TCF4: variants seen among roughly 807,000 people sequenced by gnomAD.
TCF4 encodes transcription factor 4, also known as SL3-3 enhancer factor 2.
Under a neutral mutation model 82.1 loss-of-function variants are expected in TCF4, and 3 were observed. The observed-to-expected ratio is 0.04, with a 90% CI of 0.02 to 0.09. TCF4 has a LOEUF of 0.09. Ranked by LOEUF, TCF4 falls within the 10% of genes least tolerant of loss-of-function variation. TCF4 has a pLI of 1.00. For synonymous variants in TCF4, 276 were observed against 309.6 expected, an observed-to-expected ratio of 0.89 and a Z score of 1.14; for missense variants, 518 against 852.7, an observed-to-expected ratio of 0.61 and a Z score of 4.89.
At chr18:55,374,728 C>T (rs929277637) in intron 6 of TCF4, among the ~76,000 whole-genome samples, 2 of 151,814 alleles carry the variant, frequency 1.3e-5, no homozygotes, top group East Asian at 1.9e-4. Context: ...GGCGAAACTC[C>T]GCCTCCACAA....
At chr18:55,358,057 C>T (rs1257174976) in intron 6 of TCF4, among the ~76,000 whole-genome samples, 3 of 152,180 alleles carry the variant, frequency 2.0e-5, no homozygotes, top group Admixed American at 6.5e-5. Context: ...TCTTTCCCTC[C>T]CAAGATTCTT....
rs190907799 is a variant in TCF4 at position 55,290,794 on chromosome 18, G to A, written c.550-11138C>T. Among the ~76,000 whole-genome samples the A allele has an allele frequency of 1.9e-3, 288 of 152,136 alleles. 1 individual carries two copies. Among genetic ancestry groups the A allele is most frequent in the Admixed American group, 3.9e-3 (60 of 15,282 alleles). ...CAAGCAGAAAGTCACACTTTGAAGA[G>A]TCGACATTCAAGCAAGAATGAAAAG... On this transcript the variant is annotated intron_variant, in intron 8 of 19. Coordinates refer to ENST00000354452, the MANE Select transcript of TCF4 (RefSeq NM_001083962.2).
intron 3 of TCF4, among the ~76,000 whole-genome samples, chr18:55,471,820 AT>A (rs1302901174): frequency 6.6e-6 from 1 of 151,846 alleles, no homozygotes; most frequent in Non-Finnish European, 1.5e-5. Context: ...TGGGCTTTCC[AT>A]TTTCAGATGA....
chr18:55,375,870 G>A (rs1482272143), intron 6 of TCF4, among the ~76,000 whole-genome samples: 1 of 152,030 alleles, frequency 6.6e-6, no homozygotes, highest in Non-Finnish European at 1.5e-5. Flanking sequence ...GAGTAGGAGA[G>A]AGGGAAATTC....
At chr18:55,438,068 G>A (rs1332987298) in intron 5 of TCF4, among the ~76,000 whole-genome samples, 2 of 152,092 alleles carry the variant, frequency 1.3e-5, no homozygotes, top group African/African-American at 2.4e-5. Context: ...GGGTGTGGTG[G>A]TGCATGCCTG....
intron 3 of TCF4, among the ~76,000 whole-genome samples, chr18:55,548,732 T>A (rs1180345473): frequency 6.6e-6 from 1 of 152,228 alleles, no homozygotes. Flanking sequence ...GTTATTGTAC[T>A]AAATAGCCAC....
intron 5 of TCF4, among the ~76,000 whole-genome samples, chr18:55,413,405 A>T (rs935517814): frequency 5.3e-5 from 8 of 152,210 alleles, no homozygotes; most frequent in Admixed American, 5.2e-4. Flanking sequence ...GAGTAGGAAG[A>T]TTGCTAACCA....
intron 1 of TCF4, 142 bp downstream of exon 1, chr18:55,587,896 G>A (rs866779774): frequency 1.5e-6 from 1 of 687,062 alleles, no homozygotes; most frequent in Non-Finnish European, 1.8e-6. Context: ...GGCGGGAGGG[G>A]AAGGGGTGTC....
intron 17 of TCF4, chr18:55,231,607 T>G (rs1336836582): frequency 6.6e-6 from 1 of 152,206 alleles, no homozygotes; most frequent in African/African-American, 2.4e-5. Context: ...ATCCCCTCCT[T>G]GGGATTTCTT....
intron 2 of TCF4, 173 bp downstream of exon 2, chr18:55,586,872 C>A: frequency 7.3e-6 from 4 of 548,206 alleles, no homozygotes; most frequent in Non-Finnish European, 9.7e-6. Flanking sequence ...TCTTCCATCA[C>A]ACCACAAAAT....
chr18:55,519,463 T>C (rs1345893111), intron 3 of TCF4, among the ~76,000 whole-genome samples: 1 of 151,402 alleles, frequency 6.6e-6, no homozygotes, highest in East Asian at 1.9e-4. Context: ...AAAAGATGTG[T>C]TCTAATGTTG....
At chr18:55,243,738 G>A (rs2145064957) in intron 15 of TCF4, among the ~76,000 whole-genome samples, 1 of 152,238 alleles carries the variant, frequency 6.6e-6, no homozygotes, top group East Asian at 1.9e-4. Context: ...TAAGTTGTGA[G>A]GGTACGTGTG....
chr18:55,580,507 A>T (rs1341236685), intron 3 of TCF4, among the ~76,000 whole-genome samples: 1 of 152,038 alleles, frequency 6.6e-6, no homozygotes, highest in Non-Finnish European at 1.5e-5. Flanking sequence ...TTTCTTAGTA[A>T]AACTAATAAA....
chr18:55,355,139 T>C (rs1445495910), intron 6 of TCF4, among the ~76,000 whole-genome samples: 2 of 152,196 alleles, frequency 1.3e-5, no homozygotes, highest in African/African-American at 2.4e-5. Flanking sequence ...GAACTGACTC[T>C]ATAAAGCCAG....
intron 6 of TCF4, among the ~76,000 whole-genome samples, chr18:55,354,001 T>A (rs1036756103): frequency 6.6e-6 from 1 of 152,190 alleles, no homozygotes; most frequent in Admixed American, 6.5e-5. Context: ...GTCCCAGTAG[T>A]AGGCTGCCCG....
At chr18:55,461,149 T>C (rs2095861466) in intron 4 of TCF4, 34 bp from the exon 5 acceptor site, 1 of 1,550,450 alleles carries the variant, frequency 6.4e-7, no homozygotes, top group Non-Finnish European at 8.8e-7. Context: ...GTTATTATTT[T>C]ATATTAATAA....
chr18:55,596,907 T>A (rs2097691497), intron 2 of TCF4, among the ~76,000 whole-genome samples: 1 of 152,102 alleles, frequency 6.6e-6, no homozygotes, highest in Non-Finnish European at 1.5e-5. Context: ...AAATCTCATG[T>A]CAAATTGTAA....
At chr18:55,443,528 G>A (rs1279865015) in intron 5 of TCF4, among the ~76,000 whole-genome samples, 2 of 152,152 alleles carry the variant, frequency 1.3e-5, no homozygotes, top group African/African-American at 2.4e-5. Context: ...GTAATTTTAA[G>A]CTTTTGTTGT....
intron 3 of TCF4, among the ~76,000 whole-genome samples, chr18:55,480,829 T>C (rs1312143667): frequency 6.6e-6 from 1 of 152,106 alleles, no homozygotes; most frequent in African/African-American, 2.4e-5. Context: ...ATGGGCCGGG[T>C]GCAGTGGCTC....
Sources: allele counts gnomAD v4.1 joint callset (sites outside exome capture counted in the v4.1 genomes callset), GRCh38; gene constraint gnomAD v4.1.1; transcripts MANE v1.5; gene names NCBI Gene and HGNC (gene_info 2026-07-23, HGNC 2026-07-21).